Variants in ARMC3 observed in about 807,000 individuals in gnomAD.
The protein encoded by ARMC3 is armadillo repeat containing 3.
ARMC3 carries 74 observed loss-of-function variants against 90.3 expected under a neutral mutation model. That is an observed-to-expected ratio of 0.82 (90% CI 0.68 to 0.99). The LOEUF is 0.99. ARMC3 is among the 50% of genes least tolerant of loss of function. The pLI is 0.00. For synonymous variants in ARMC3, 334 were observed against 361.8 expected (o/e 0.92, Z 0.87); for missense variants, 958 against 1,042.8 (o/e 0.92, Z 1.12).
In ARMC3 at chr10:23,006,778, G is replaced by A. The variant is rs541033180; in HGVS notation, c.1732-106G>A. The A allele has an allele frequency of 3.0e-4, 258 of 868,778 alleles. 2 individuals are homozygous for A. The highest frequency in any genetic ancestry group is 5.1e-4 in the Admixed American group (29 of 56,418). The allele number at this position is 868,778 out of a possible 1,614,324, so 53.8% of individuals were successfully genotyped here. On this transcript the variant is annotated intron_variant, in intron 13 of 18. Transcript: ENST00000298032. ...ATTGTACATGTGTGTGTTTGTGTGT[G>A]TGAAATGAGACACCGCAAACAGCTG...
chr10:23,037,559 A>C lies in ARMC3; in HGVS notation c.*80A>C, dbSNP rs1839168827. 6 of 1,179,280 alleles carry C rather than the reference A, an allele frequency of 5.1e-6. No individual in the cohort carries two copies. In the South Asian group the frequency reaches 1.2e-4, roughly 23 times the overall value. 73.1% of individuals were successfully genotyped at this position (1,179,280 alleles called of 1,614,324 possible). A position where few individuals can be genotyped will look rare whatever the true frequency, so the allele number is the denominator to read the frequency against. ...CTAAGACATTCTCCAAATTGATTTT[A>C]TCTCTTTAAATAAAAACTTTAAATA... On this transcript the variant is annotated 3_prime_UTR_variant, in exon 19 of 19. Coordinates refer to ENST00000298032, the MANE Select transcript of ARMC3 (RefSeq NM_173081.5).
At chr10:22,967,202 C>T (rs908921981) in intron 7 of ARMC3, among the ~76,000 whole-genome samples, 6 of 152,078 alleles carry the variant, frequency 3.9e-5, no homozygotes, top group Non-Finnish European at 7.4e-5. Flanking sequence ...TAGATGAGGT[C>T]CACCCATATC....
intron 8 of ARMC3, among the ~76,000 whole-genome samples, chr10:22,976,857 A>G (rs1250304031): frequency 6.6e-6 from 1 of 152,204 alleles, no homozygotes; most frequent in Admixed American, 6.5e-5. Context: ...TACATTCTGC[A>G]TATAATTGCA....
chr10:23,030,167 T>G (rs1405599775), intron 16 of ARMC3, among the ~76,000 whole-genome samples: 1 of 152,180 alleles, frequency 6.6e-6, no homozygotes, highest in Non-Finnish European at 1.5e-5. Context: ...ATTCTCCAAT[T>G]GTCATTGAAA....
intron 4 of ARMC3, among the ~76,000 whole-genome samples, chr10:22,958,334 A>C (rs1835038759): frequency 6.6e-6 from 1 of 152,190 alleles, no homozygotes; most frequent in Non-Finnish European, 1.5e-5. Flanking sequence ...GTAAGCAATC[A>C]AGATGTATTA....
chr10:23,036,224 C>G (rs1281260372), intron 18 of ARMC3, among the ~76,000 whole-genome samples: 1 of 152,120 alleles, frequency 6.6e-6, no homozygotes, highest in African/African-American at 2.4e-5. Flanking sequence ...GCCATACATT[C>G]AGATACTATT....
intron 10 of ARMC3, among the ~76,000 whole-genome samples, chr10:22,990,563 A>G (rs1836661736): frequency 1.3e-5 from 2 of 152,182 alleles, no homozygotes; most frequent in Non-Finnish European, 2.9e-5. Context: ...AGTGGAATAT[A>G]TCATTAAATC....
chr10:23,026,217 C>T (rs538229890), intron 16 of ARMC3, among the ~76,000 whole-genome samples: 1 of 152,052 alleles, frequency 6.6e-6, no homozygotes, highest in East Asian at 1.9e-4. Context: ...TACTTCTCAA[C>T]TCACGATGAT....
At chr10:22,957,332 G>A (rs956886258) in intron 4 of ARMC3, among the ~76,000 whole-genome samples, 3 of 152,150 alleles carry the variant, frequency 2.0e-5, no homozygotes, top group South Asian at 2.1e-4. Context: ...TTTGTGTGGC[G>A]TCTGTGCCAT....
In ARMC3 at chr10:23,011,819, G is replaced by A. The variant is rs564560904; in HGVS notation, c.2045+2888G>A. ...AAATACAATCTCTCTCTGTCTCTTC[G>A]TGCATTTTCAGGAGATGCAATCTTA... On this transcript the variant is annotated intron_variant, in intron 16 of 18. Transcript: ENST00000298032. Among the ~76,000 whole-genome samples, 18 of 152,202 alleles carry A rather than the reference G, an allele frequency of 1.2e-4. No homozygotes were observed. The East Asian group carries it at 1.5e-3, about 13-fold the overall frequency.
intron 2 of ARMC3, among the ~76,000 whole-genome samples, chr10:22,933,639 G>A (rs1834013464): frequency 1.3e-5 from 2 of 152,158 alleles, no homozygotes; most frequent in African/African-American, 4.8e-5. Flanking sequence ...AACTGACAGA[G>A]TGTTGGGAGG....
chr10:23,002,682 C>T (rs948621442), intron 12 of ARMC3, among the ~76,000 whole-genome samples: 6 of 151,188 alleles, frequency 4.0e-5, no homozygotes, highest in African/African-American at 1.2e-4. Flanking sequence ...CTCACTGCAA[C>T]CTCTGCCCCC....
Position 22,989,644 on chromosome 10 carries a change from A to G in ARMC3, c.1175+7944A>G, listed in dbSNP as rs190290623. Among the ~76,000 whole-genome samples, 17 of 152,312 alleles carry G rather than the reference A, an allele frequency of 1.1e-4. 1 individual carries two copies. In the East Asian group the frequency reaches 3.1e-3, roughly 28 times the overall value. Reference sequence around the variant, plus strand: ...GATGAGCTCTGGAAGAATGTATTTAACATGTTAATTAATGCCTTAAAAGTC... The same window carrying G: ...GATGAGCTCTGGAAGAATGTATTTAGCATGTTAATTAATGCCTTAAAAGTC... On this transcript the variant is annotated intron_variant, in intron 10 of 18. Coordinates refer to ENST00000298032, the MANE Select transcript of ARMC3 (RefSeq NM_173081.5).
chr10:23,030,205 A>G (rs962081596), intron 16 of ARMC3, among the ~76,000 whole-genome samples: 3 of 152,198 alleles, frequency 2.0e-5, no homozygotes, highest in African/African-American at 4.8e-5. Flanking sequence ...TTACATATGT[A>G]TAAAATACAG....
At chr10:23,000,620 T>C (rs985319979) in intron 11 of ARMC3, among the ~76,000 whole-genome samples, 8 of 152,224 alleles carry the variant, frequency 5.3e-5, no homozygotes, top group African/African-American at 1.9e-4. Context: ...AATTAAATCT[T>C]TGCCTAAAGG....
chr10:22,934,792 A>G (rs1834051265), intron 2 of ARMC3, among the ~76,000 whole-genome samples: 1 of 152,188 alleles, frequency 6.6e-6, no homozygotes, highest in African/African-American at 2.4e-5. Context: ...GCATTAGGTA[A>G]GAGCTTGGTA....
intron 16 of ARMC3, among the ~76,000 whole-genome samples, chr10:23,012,478 T>G (rs990601744): frequency 1.3e-5 from 2 of 152,134 alleles, no homozygotes; most frequent in African/African-American, 4.8e-5. Context: ...GACCTGTGTG[T>G]CCAGTTGCCT....
chr10:22,944,399 C>A (rs1257974934), intron 2 of ARMC3, among the ~76,000 whole-genome samples: 2 of 152,162 alleles, frequency 1.3e-5, no homozygotes, highest in Non-Finnish European at 2.9e-5. Context: ...GCATATCCTC[C>A]CTTCTCATTG....
In ARMC3 at chr10:23,008,828, C is replaced by A; in HGVS notation, c.1942C>A (p.His648Asn). ...SKEKNKKNSY[H>N]FSAGFGSPIE... Reference sequence around the variant, plus strand: ...TCAAATGACAAGAAAAAATAGTTATCATTTTAGTGCTGGATTTGGATCTCC... The same window carrying A: ...TCAAATGACAAGAAAAAATAGTTATAATTTTAGTGCTGGATTTGGATCTCC... Residue 648 changes from histidine (H) to asparagine (N), a missense_variant, in exon 16 of 19, where the codon CAT (histidine) becomes AAT (asparagine). His to Asn is a moderately conservative substitution (Grantham distance 68, BLOSUM62 1). Coordinates refer to ENST00000298032, the MANE Select transcript of ARMC3 (RefSeq NM_173081.5). The A allele has an allele frequency of 6.2e-7, 1 of 1,611,002 alleles. No homozygotes were observed. Among genetic ancestry groups the A allele is most frequent in the Non-Finnish European group, 8.5e-7 (1 of 1,178,120 alleles).
Sources: gnomAD v4.1 joint callset for allele counts (sites outside exome capture counted in the v4.1 genomes callset) on GRCh38, gnomAD v4.1.1 for gene constraint, MANE v1.5 for transcripts, NCBI Gene and HGNC (gene_info 2026-07-23, HGNC 2026-07-21) for gene names.